PLCB1: variants seen among roughly 807,000 people sequenced by gnomAD.
The protein encoded by PLCB1 is 1-phosphatidylinositol 4,5-bisphosphate phosphodiesterase beta-1.
PLCB1 carries 46 observed loss-of-function variants against 161.8 expected under a neutral mutation model. That is an observed-to-expected ratio of 0.28 (90% CI 0.22 to 0.36). PLCB1 has a LOEUF of 0.36. Ranked by LOEUF, PLCB1 falls within the 10% of genes least tolerant of loss-of-function variation. The pLI, the probability that PLCB1 is intolerant of heterozygous loss-of-function variation, is 1.00. For synonymous variants in PLCB1, 517 were observed against 503.7 expected (o/e 1.03, Z -0.35); for missense variants, 1,016 against 1,472.5 (o/e 0.69, Z 5.07).
chr20:8,544,965 G>A (rs1230072177), intron 3 of PLCB1, among the ~76,000 whole-genome samples: 1 of 152,138 alleles, frequency 6.6e-6, no homozygotes, highest in Admixed American at 6.5e-5. Flanking sequence ...TTGAGCATCT[G>A]CTACTGAGTG....
chr20:8,608,622 TTCCTGCATAAGACACTAATGACTTTTA>T, intron 3 of PLCB1, among the ~76,000 whole-genome samples: 1 of 152,310 alleles, frequency 6.6e-6, no homozygotes, highest in East Asian at 1.9e-4. Flanking sequence ...ATAGGGTATT[TTCCTGCATAAGACACTAATGACTTTTA>T]TAAAATGTTT....
intron 3 of PLCB1, among the ~76,000 whole-genome samples, chr20:8,509,020 G>T (rs1983761390): frequency 6.6e-6 from 1 of 152,020 alleles, no homozygotes; most frequent in African/African-American, 2.4e-5. Flanking sequence ...TGAACGGAGG[G>T]CAGACCACTC....
rs995136365 is a variant in PLCB1 at position 8,180,051 on chromosome 20, G to A, written c.177+29680G>A. Among the ~76,000 whole-genome samples the A allele has an allele frequency of 9.6e-4, 145 of 151,660 alleles. 1 individual carries two copies. The highest frequency in any genetic ancestry group is 3.3e-3 in the African/African-American group (138 of 41,296). ...TTTTTTGTATTTTTAGTGGAGATGGGGTTTCACCGTTTTAGCCAGGATGGT... is the reference window on the plus strand; with the variant it reads ...TTTTTTGTATTTTTAGTGGAGATGGAGTTTCACCGTTTTAGCCAGGATGGT... On this transcript the variant is annotated intron_variant, in intron 2 of 31. Transcript: ENST00000338037.
chr20:8,460,938 ACTTT>A (rs1981547869), intron 3 of PLCB1, among the ~76,000 whole-genome samples: 1 of 152,108 alleles, frequency 6.6e-6, no homozygotes, highest in African/African-American at 2.4e-5. Context: ...GTCTAATAGA[ACTTT>A]CTGTGATGAT....
At chr20:8,209,560 T>G (rs1302219462) in intron 2 of PLCB1, among the ~76,000 whole-genome samples, 1 of 152,184 alleles carries the variant, frequency 6.6e-6, no homozygotes, top group Non-Finnish European at 1.5e-5. Flanking sequence ...TTTTAAATTA[T>G]AAAAGTAGTA....
At chr20:8,263,467 C>T (rs1981809545) in intron 2 of PLCB1, among the ~76,000 whole-genome samples, 1 of 152,076 alleles carries the variant, frequency 6.6e-6, no homozygotes, top group Non-Finnish European at 1.5e-5. Flanking sequence ...AATTTGAACG[C>T]CTTCACTATG....
chr20:8,171,720 T>G (rs1445595765), intron 2 of PLCB1, among the ~76,000 whole-genome samples: 1 of 152,172 alleles, frequency 6.6e-6, no homozygotes, highest in Non-Finnish European at 1.5e-5. Context: ...CTCATTGTAG[T>G]CTCCTTTATG....
intron 31 of PLCB1, among the ~76,000 whole-genome samples, chr20:8,791,516 G>A (rs1424865745): frequency 6.6e-6 from 1 of 152,100 alleles, no homozygotes; most frequent in East Asian, 1.9e-4. Flanking sequence ...AATCTATGCT[G>A]TCTGGTTTTA....
intron 31 of PLCB1, among the ~76,000 whole-genome samples, chr20:8,833,341 G>T (rs6118341): frequency 0.033 from 5,059 of 152,252 alleles, 295 homozygotes; most frequent in African/African-American, 0.12. Context: ...AAAACCATCA[G>T]ATCTCATGAG....
At chr20:8,755,225 G>A (rs73895164) in intron 23 of PLCB1, among the ~76,000 whole-genome samples, 1 of 152,240 alleles carries the variant, frequency 6.6e-6, no homozygotes, top group African/African-American at 2.4e-5. Context: ...AAGATGATTT[G>A]GGAAACAGAT....
At chr20:8,180,451 A>C (rs1470935071) in intron 2 of PLCB1, among the ~76,000 whole-genome samples, 2 of 152,148 alleles carry the variant, frequency 1.3e-5, no homozygotes, top group Non-Finnish European at 2.9e-5. Context: ...TTGGTAGCAG[A>C]ATGATGCTGG....
At chr20:8,583,237 T>G (rs1600169081) in intron 3 of PLCB1, among the ~76,000 whole-genome samples, 1 of 151,826 alleles carries the variant, frequency 6.6e-6, no homozygotes, top group East Asian at 1.9e-4. Flanking sequence ...GGGTACAGAG[T>G]GTCTATTATG....
intron 2 of PLCB1, among the ~76,000 whole-genome samples, chr20:8,368,693 T>C (rs896928074): frequency 3.9e-5 from 6 of 152,170 alleles, no homozygotes; most frequent in African/African-American, 1.4e-4. Flanking sequence ...TAGTGTTTTA[T>C]AAATAATTAT....
At chr20:8,532,957 C>T (rs905818674) in intron 3 of PLCB1, among the ~76,000 whole-genome samples, 2 of 151,650 alleles carry the variant, frequency 1.3e-5, no homozygotes, top group Non-Finnish European at 2.9e-5. Flanking sequence ...TGGTGTGCTG[C>T]ACCCATTAAC....
chr20:8,269,665 T>C (rs1415738711), intron 2 of PLCB1, among the ~76,000 whole-genome samples: 1 of 152,150 alleles, frequency 6.6e-6, no homozygotes, highest in African/African-American at 2.4e-5. Context: ...TGGTCAAAAC[T>C]GAAACGTAAG....
chr20:8,835,675 G>A (rs1986251779), intron 31 of PLCB1, among the ~76,000 whole-genome samples: 1 of 151,908 alleles, frequency 6.6e-6, no homozygotes, highest in African/African-American at 2.4e-5. Context: ...ACCAGCTTAT[G>A]AGAGTTTATG....
At chr20:8,747,384 A>G (rs1432804437) in intron 23 of PLCB1, among the ~76,000 whole-genome samples, 1 of 152,248 alleles carries the variant, frequency 6.6e-6, no homozygotes, top group Non-Finnish European at 1.5e-5. Flanking sequence ...AGAGTACCTG[A>G]AACTACAAAT....
At chr20:8,456,518 G>T (rs547254988) in intron 3 of PLCB1, among the ~76,000 whole-genome samples, 1 of 151,924 alleles carries the variant, frequency 6.6e-6, no homozygotes, top group Non-Finnish European at 1.5e-5. Context: ...CTTTTAAAGG[G>T]TGTATTTCCT....
chr20:8,211,163 C>A (rs1406588106), intron 2 of PLCB1, among the ~76,000 whole-genome samples: 1 of 152,058 alleles, frequency 6.6e-6, no homozygotes, highest in Non-Finnish European at 1.5e-5. Flanking sequence ...TTTGGTGCCC[C>A]AGAGGATTCT....
Sources: allele counts gnomAD v4.1 joint callset (sites outside exome capture counted in the v4.1 genomes callset), GRCh38; gene constraint gnomAD v4.1.1; transcripts MANE v1.5; gene names NCBI Gene and HGNC (gene_info 2026-07-23, HGNC 2026-07-21).